PALM2AKAP2: variants seen among roughly 807,000 people sequenced by gnomAD.
PALM2AKAP2 encodes the protein PALM2 and AKAP2 fusion, also known as PALM2-AKAP2 fusion protein.
PALM2AKAP2 carries 37 observed loss-of-function variants against 71.5 expected under a neutral mutation model. That is an observed-to-expected ratio of 0.52 (90% CI 0.40 to 0.68). The LOEUF (loss-of-function observed/expected upper bound fraction) is 0.68. Among genes scored for constraint, PALM2AKAP2 ranks in the 30% least tolerant of loss-of-function variants. PALM2AKAP2 has a pLI of 0.00. For missense variants in PALM2AKAP2, 1,224 were observed against 1,191.8 expected (o/e 1.03, Z -0.40); for synonymous variants, 468 against 478.8 (o/e 0.98, Z 0.29).
chr9:110,058,223 C>T (rs946741075), intron 1 of PALM2AKAP2, among the ~76,000 whole-genome samples: 1 of 152,088 alleles, frequency 6.6e-6, no homozygotes, highest in Non-Finnish European at 1.5e-5. Flanking sequence ...ATACAAATTG[C>T]AGTGTGCTAT....
chr9:110,097,943 G>A (rs536685965), intron 1 of PALM2AKAP2, among the ~76,000 whole-genome samples: 1 of 141,602 alleles, frequency 7.1e-6, no homozygotes, highest in Admixed American at 6.8e-5. Context: ...CGGATCACTC[G>A]TGGTAAGGAG....
intron 3 of PALM2AKAP2, among the ~76,000 whole-genome samples, chr9:110,158,590 G>A (rs756574827): frequency 1.3e-5 from 2 of 152,166 alleles, no homozygotes; most frequent in African/African-American, 2.4e-5. Context: ...ACCAGGTTGA[G>A]TTTTTCCTCT....
In PALM2AKAP2 at chr9:110,160,019, C is replaced by T. The variant is rs79152653; in HGVS notation, c.2748+3522C>T. On this transcript the variant is annotated intron_variant, in intron 3 of 3. Transcript: ENST00000374525. Reference sequence around the variant, plus strand: ...AGTCACCAATGAGTATCTCCAGCCTCACTTATTAATGGACCTCTTGGCTAA... The same window carrying T: ...AGTCACCAATGAGTATCTCCAGCCTTACTTATTAATGGACCTCTTGGCTAA... Among the ~76,000 whole-genome samples the T allele has an allele frequency of 1.8e-3, 280 of 152,300 alleles. 1 individual carries two copies. Among genetic ancestry groups the T allele is most frequent in the Middle Eastern group, 0.014 (4 of 294 alleles).
At chr9:109,701,493 A>T (rs1828056905) in intron 1 of PALM2AKAP2, among the ~76,000 whole-genome samples, 1 of 152,228 alleles carries the variant, frequency 6.6e-6, no homozygotes, top group South Asian at 2.1e-4. Flanking sequence ...AGAAATGGGG[A>T]AAGGATTACC....
chr9:110,099,233 T>A (rs1410167347), intron 1 of PALM2AKAP2, among the ~76,000 whole-genome samples: 1 of 152,220 alleles, frequency 6.6e-6, no homozygotes, highest in Non-Finnish European at 1.5e-5. Context: ...GGAATCAATT[T>A]CTGTAGAAAT....
intron 1 of PALM2AKAP2, among the ~76,000 whole-genome samples, chr9:109,795,953 G>A (rs1374358835): frequency 6.6e-6 from 1 of 152,182 alleles, no homozygotes; most frequent in Non-Finnish European, 1.5e-5. Flanking sequence ...AAAAGAGAGG[G>A]GCAAAGAATA....
Position 109,909,162 on chromosome 9 carries a change from G to GCACA in PALM2AKAP2, c.258-14557_258-14554dup, listed in dbSNP as rs35019823. 7.2e-3 allele frequency among the ~76,000 whole-genome samples: 1,031 copies of GCACA among 143,026 alleles called. 5 individuals carry two copies. Among genetic ancestry groups the GCACA allele is most frequent in the African/African-American group, 0.015 (573 of 39,454 alleles). The allele number at this position is 143,026 out of a possible 152,430, so 93.8% of individuals were successfully genotyped here. ...AATAGTACATTACACACGCGCGCAC[G>GCACA]CACACACACACACACACACCTGGGG... On this transcript the variant is annotated intron_variant, in intron 3 of 9. Coordinates refer to the PALM2AKAP2 transcript ENST00000302798.
chr9:110,151,170 C>T (rs554835098), intron 2 of PALM2AKAP2, among the ~76,000 whole-genome samples: 1 of 152,036 alleles, frequency 6.6e-6, no homozygotes, highest in South Asian at 2.1e-4. Flanking sequence ...TTCTTTTTTC[C>T]CCTTCTGTAT....
chr9:109,714,945 T>G (rs765973466), intron 1 of PALM2AKAP2, among the ~76,000 whole-genome samples: 11 of 152,172 alleles, frequency 7.2e-5, no homozygotes, highest in Non-Finnish European at 1.5e-4. Flanking sequence ...AAAGTTTAGC[T>G]TCTCCCCAAC....
At chr9:109,739,251 A>G (rs965212361) in intron 1 of PALM2AKAP2, among the ~76,000 whole-genome samples, 7 of 152,216 alleles carry the variant, frequency 4.6e-5, no homozygotes, top group African/African-American at 1.7e-4. Context: ...AAGCATTGAA[A>G]TTTATTTAAG....
chr9:109,709,577 A>G (rs534980073), intron 1 of PALM2AKAP2, among the ~76,000 whole-genome samples: 1 of 152,236 alleles, frequency 6.6e-6, no homozygotes, highest in East Asian at 1.9e-4. Context: ...GACCCTGACC[A>G]TGTGTTGACT....
At chr9:110,075,280 A>G (rs944742975) in intron 1 of PALM2AKAP2, among the ~76,000 whole-genome samples, 1 of 152,224 alleles carries the variant, frequency 6.6e-6, no homozygotes, top group African/African-American at 2.4e-5. Flanking sequence ...TGCTGTAAAC[A>G]GGATTTTATC....
chr9:110,028,846 T>C (rs78870980), intron 7 of PALM2AKAP2, among the ~76,000 whole-genome samples: 3,340 of 151,662 alleles, frequency 0.022, 111 homozygotes, highest in African/African-American at 0.072. Flanking sequence ...CCAAGTCCAG[T>C]GGCCCTAGGC....
rs532320059 is a variant in PALM2AKAP2 at position 109,860,110 on chromosome 9, A to G, written c.46-7381A>G. Among the ~76,000 whole-genome samples, 6 of 152,318 alleles carry G rather than the reference A, an allele frequency of 3.9e-5. No homozygotes were observed. The South Asian group carries it at 1.2e-3, about 32-fold the overall frequency. On this transcript the variant is annotated intron_variant, in intron 1 of 9. Coordinates refer to the PALM2AKAP2 transcript ENST00000302798. Reference sequence around the variant, plus strand: ...TGATGGTGTTGAGATGAGATAACTGATCTCGAACAGGGATGTGTCTGCTGA... The same window carrying G: ...TGATGGTGTTGAGATGAGATAACTGGTCTCGAACAGGGATGTGTCTGCTGA...
In PALM2AKAP2 at chr9:109,893,552, T is replaced by C. The variant is rs1830134654; in HGVS notation, c.257+12871T>C. ...TCTGCCTCCTGGGTTCAAGTGATTC[T>C]CTCGTGCCTTAGCCTCCAGAGTAGC... On this transcript the variant is annotated intron_variant, in intron 3 of 9. Coordinates refer to the PALM2AKAP2 transcript ENST00000302798. Among the ~76,000 whole-genome samples the C allele has an allele frequency of 2.0e-5, 3 of 152,176 alleles. No homozygotes were observed. In the South Asian group the frequency reaches 6.2e-4, roughly 32 times the overall value.
At chr9:109,806,118 C>A (rs1827565077) in intron 1 of PALM2AKAP2, among the ~76,000 whole-genome samples, 1 of 152,218 alleles carries the variant, frequency 6.6e-6, no homozygotes, top group South Asian at 2.1e-4. Flanking sequence ...TGGATTTCTT[C>A]TTTTGTATCA....
chr9:109,724,946 A>G (rs185165631), intron 1 of PALM2AKAP2, among the ~76,000 whole-genome samples: 3 of 152,366 alleles, frequency 2.0e-5, no homozygotes, highest in African/African-American at 4.8e-5. Context: ...CTAGGAAAAT[A>G]TTTGCAAAGT....
intron 6 of PALM2AKAP2, among the ~76,000 whole-genome samples, chr9:109,947,788 C>A (rs761776864): frequency 6.6e-6 from 1 of 152,182 alleles, no homozygotes; most frequent in Non-Finnish European, 1.5e-5. Context: ...CCAAAGTGAG[C>A]CATTTCACAT....
intron 1 of PALM2AKAP2, among the ~76,000 whole-genome samples, chr9:109,802,209 T>G (rs1405497427): frequency 6.6e-6 from 1 of 152,178 alleles, no homozygotes; most frequent in Non-Finnish European, 1.5e-5. Flanking sequence ...TTGCTACAGT[T>G]AAAATAATGC....
Sources: gnomAD v4.1 joint callset for allele counts (sites outside exome capture counted in the v4.1 genomes callset) on GRCh38, gnomAD v4.1.1 for gene constraint, MANE v1.5 for transcripts, NCBI Gene and HGNC (gene_info 2026-07-23, HGNC 2026-07-21) for gene names.